Variants in NAT10 observed in about 807,000 individuals in gnomAD.
NAT10 encodes RNA cytidine acetyltransferase.
NAT10 carries 109 observed loss-of-function variants against 132.2 expected under a neutral mutation model. That is an observed-to-expected ratio of 0.82 (90% CI 0.71 to 0.97). The LOEUF (loss-of-function observed/expected upper bound fraction) is 0.97. Among genes scored for constraint, NAT10 ranks in the 50% least tolerant of loss-of-function variants. The pLI, the probability that NAT10 is intolerant of heterozygous loss-of-function variation, is 0.00. For missense variants in NAT10, 1,184 were observed against 1,263.4 expected (o/e 0.94, Z 0.95); for synonymous variants, 479 against 478.0 (o/e 1.00, Z -0.03).
At chr11:34,107,868 C>T (rs780992663) in intron 1 of NAT10, among the ~76,000 whole-genome samples, 11 of 152,206 alleles carry the variant, frequency 7.2e-5, no homozygotes, top group South Asian at 2.1e-4. Flanking sequence ...AGTGAGACTC[C>T]GTCTCAAAAA....
chr11:34,112,241 A>C lies in NAT10; in HGVS notation c.372+18A>C, dbSNP rs546345747. On this transcript the variant is annotated intron_variant, in intron 4 of 28. Coordinates refer to ENST00000257829, the MANE Select transcript of NAT10 (RefSeq NM_024662.3). ...TGCTGCAGGTGGGTGGCTTCCTCTA[A>C]CCTGTGATTGAAGTCAGAGTCTTGA... The C allele has an allele frequency of 6.8e-6, 11 of 1,613,930 alleles. No homozygotes were observed. The Admixed American group carries it at 1.7e-4, about 24-fold the overall frequency.
At chr11:34,130,236 A>T (rs911271528) in intron 12 of NAT10, among the ~76,000 whole-genome samples, 2 of 152,158 alleles carry the variant, frequency 1.3e-5, no homozygotes, top group Admixed American at 1.3e-4. Flanking sequence ...AGGTGATTTA[A>T]TTTTTTTCTC....
At chr11:34,125,027 T>C (rs1445459813) in intron 11 of NAT10, among the ~76,000 whole-genome samples, 1 of 152,142 alleles carries the variant, frequency 6.6e-6, no homozygotes, top group Non-Finnish European at 1.5e-5. Flanking sequence ...TGGAATTGGG[T>C]TGGGAAGTGA....
At chr11:34,121,858 CAAA>C (rs34304264) in intron 8 of NAT10, among the ~76,000 whole-genome samples, 2 of 36,830 alleles carry the variant, frequency 5.4e-5, no homozygotes, top group East Asian at 1.9e-3. Context: ...GACTCTGTCT[CAAA>C]AAAAAAAAAA....
At chr11:34,123,265 G>A (rs967273519) in intron 9 of NAT10, among the ~76,000 whole-genome samples, 2 of 152,234 alleles carry the variant, frequency 1.3e-5, no homozygotes, top group Non-Finnish European at 2.9e-5. Context: ...TGGGGCTTGA[G>A]CTTAGCTCCT....
intron 3 of NAT10, among the ~76,000 whole-genome samples, chr11:34,111,283 G>A (rs1851689985): frequency 6.6e-6 from 1 of 152,236 alleles, no homozygotes; most frequent in Non-Finnish European, 1.5e-5. Context: ...AGCCAGAAGG[G>A]ACAGTGGAGA....
At chr11:34,133,272 G>T (rs1852139044) in intron 16 of NAT10, 130 bp downstream of exon 16, 1 of 734,582 alleles carries the variant, frequency 1.4e-6, no homozygotes, top group African/African-American at 1.7e-5. Flanking sequence ...AAGGGGCTGG[G>T]TCTGCTGAGA....
At chr11:34,111,535 T>G (rs1851695547) in intron 3 of NAT10, among the ~76,000 whole-genome samples, 1 of 152,162 alleles carries the variant, frequency 6.6e-6, no homozygotes, top group Non-Finnish European at 1.5e-5. Flanking sequence ...TCCATTCTGA[T>G]CCCTGTGTCC....
chr11:34,134,438 G>A lies in NAT10; in HGVS notation c.1836+18G>A, dbSNP rs1300667729. On this transcript the variant is annotated intron_variant, in intron 17 of 28. Coordinates refer to ENST00000257829, the MANE Select transcript of NAT10 (RefSeq NM_024662.3). ...CAGAACAGGTGACGGGCTTTCCCTGGTGTGTCTGAGGGAAGCTGGTGGTGT... is the reference window on the plus strand; with the variant it reads ...CAGAACAGGTGACGGGCTTTCCCTGATGTGTCTGAGGGAAGCTGGTGGTGT... 6.2e-7 allele frequency: 1 copy of A among 1,613,900 alleles called. No homozygotes were observed. Among genetic ancestry groups the A allele is most frequent in the Admixed American group, 1.7e-5 (1 of 60,030 alleles).
intron 3 of NAT10, among the ~76,000 whole-genome samples, chr11:34,110,699 G>T (rs1402570191): frequency 6.6e-6 from 1 of 151,156 alleles, no homozygotes; most frequent in African/African-American, 2.4e-5. Context: ...CATTGAGTTG[G>T]ATGTGTTGTT....
At chr11:34,113,904 T>C in intron 5 of NAT10, 66 bp downstream of exon 5, 2 of 1,581,350 alleles carry the variant, frequency 1.3e-6, no homozygotes, top group Admixed American at 3.4e-5. Context: ...GTGTTCTGCT[T>C]TCTTTAAAGA....
chr11:34,132,333 T>A, intron 15 of NAT10, 112 bp downstream of exon 15: 1 of 865,688 alleles, frequency 1.2e-6, no homozygotes, highest in Non-Finnish European at 1.9e-6. Flanking sequence ...GACTGTTCCA[T>A]TGGGACATTG....
chr11:34,124,540 C>A, intron 11 of NAT10, 140 bp downstream of exon 11: 1 of 507,060 alleles, frequency 2.0e-6, no homozygotes, highest in Non-Finnish European at 3.4e-6. Flanking sequence ...GTATGCTAAA[C>A]CTGTTCCAGA....
chr11:34,129,599 CTTTTTTTTTTTTTTTT>C (rs71037399), intron 12 of NAT10, among the ~76,000 whole-genome samples: 4 of 56,694 alleles, frequency 7.1e-5, no homozygotes, highest in East Asian at 5.8e-4. Flanking sequence ...TCTTCTTCTT[CTTTTTTTTTTTTTTTT>C]TTTTTTTTTT....
chr11:34,119,306 C>T (rs1402003044), intron 8 of NAT10, among the ~76,000 whole-genome samples: 1 of 152,220 alleles, frequency 6.6e-6, no homozygotes, highest in East Asian at 1.9e-4. Flanking sequence ...CACCCTGAGC[C>T]AAATGAGCAG....
intron 16 of NAT10, 75 bp downstream of exon 16, chr11:34,133,217 C>G: frequency 8.7e-7 from 1 of 1,146,168 alleles, no homozygotes; most frequent in Non-Finnish European, 1.3e-6. Context: ...GGCTTAATAA[C>G]TGCATTGTGG....
At position 34,111,950 on chromosome 11, in the gene NAT10, C is replaced by T. The variant is rs1590760305; in HGVS notation, c.201-102C>T. On this transcript the variant is annotated intron_variant, in intron 3 of 28. Coordinates refer to ENST00000257829, the MANE Select transcript of NAT10 (RefSeq NM_024662.3). ...CACACTTTCAAGTTCCCTACTAGCTCTGAAAGTCTAAGTGGGTGATCACTG... is the reference window on the plus strand; with the variant it reads ...CACACTTTCAAGTTCCCTACTAGCTTTGAAAGTCTAAGTGGGTGATCACTG... 51 of 1,396,388 alleles carry T rather than the reference C, an allele frequency of 3.7e-5. No individual in the cohort carries two copies. In the Middle Eastern group the frequency reaches 5.6e-4, roughly 15 times the overall value. 86.5% of individuals were successfully genotyped at this position (1,396,388 alleles called of 1,614,324 possible). A position where few individuals can be genotyped will look rare whatever the true frequency, so the allele number is the denominator to read the frequency against.
intron 21 of NAT10, among the ~76,000 whole-genome samples, chr11:34,138,163 A>G (rs1377209882): frequency 6.6e-6 from 1 of 152,226 alleles, no homozygotes; most frequent in Non-Finnish European, 1.5e-5. Flanking sequence ...GCTGACTGCC[A>G]GAGTGCAGGC....
Position 34,141,156 on chromosome 11 carries a change from C to A in NAT10, c.2660C>A (p.Pro887His). Residue 887 changes from proline to histidine, a missense_variant, in exon 25 of 29, where the codon CCC (proline) becomes CAC (histidine). By Grantham distance (77) the Pro-to-His change is moderately conservative. Coordinates refer to ENST00000257829, the MANE Select transcript of NAT10 (RefSeq NM_024662.3). ...CAGCTGGAAAAGGAGATTGAGCTGC[C>A]CTCGGGCCAGTTGATGGGACTTTTC... The part of the protein sequence containing the change: ...VDQLEKEIEL[P>H]SGQLMGLFNR... 6.2e-7 allele frequency: 1 copy of A among 1,613,898 alleles called. No individual in the cohort carries two copies. The highest frequency in any genetic ancestry group is 8.5e-7 in the Non-Finnish European group (1 of 1,179,984).
Sources: gnomAD v4.1 joint callset for allele counts (sites outside exome capture counted in the v4.1 genomes callset) on GRCh38, gnomAD v4.1.1 for gene constraint, MANE v1.5 for transcripts, NCBI Gene and HGNC (gene_info 2026-07-23, HGNC 2026-07-21) for gene names.